The following PSPH variants were observed in gnomAD, a reference collection of about 807,000 sequenced individuals.
PSPH encodes the protein phosphoserine phosphatase, also known as L-3-phosphoserine phosphatase.
In PSPH, 16 loss-of-function variants were observed where a neutral mutation model predicts 23.4. The ratio of observed to expected loss-of-function variants is 0.68; its 90% CI spans 0.46 to 1.04. PSPH has a LOEUF of 1.04. Among genes scored for constraint, PSPH ranks in the 50% least tolerant of loss-of-function variants. PSPH has a pLI of 0.00. For missense variants in PSPH, 223 were observed against 273.7 expected (o/e 0.81, Z 1.31); for synonymous variants, 68 against 99.7 (o/e 0.68, Z 1.89).
At position 56,043,763 on chromosome 7, in the gene PSPH, A is replaced by G. The variant is rs559729463; in HGVS notation, c.-292+7375T>C. On this transcript the variant is annotated intron_variant, in intron 1 of 7. Coordinates refer to ENST00000275605, the MANE Select transcript of PSPH (RefSeq NM_004577.4). ...AGGATAGCTTGAGCCCCAGGGTGGA[A>G]GCTGCAGTGAGCTGTGATCATGCCA... 1.7e-4 allele frequency among the ~76,000 whole-genome samples: 26 copies of G among 151,316 alleles called. No individual in the cohort carries two copies. The East Asian group carries it at 5.1e-3, about 30-fold the overall frequency.
intron 1 of PSPH, among the ~76,000 whole-genome samples, chr7:56,044,131 G>A (rs1228581058): frequency 7.9e-5 from 12 of 152,030 alleles, no homozygotes; most frequent in East Asian, 3.9e-4. Context: ...TAGTAGAGAC[G>A]GGGTTTCTCC....
At position 56,016,624 on chromosome 7, in the gene PSPH, G is replaced by A. The variant is rs1562785275; in HGVS notation, c.421+610C>T. ...TCGCTCTGTCACCCAGGCTGGAAGT[G>A]CAGTGGCGAGATCTCAGCTCACTGC... On this transcript the variant is annotated intron_variant, in intron 6 of 7. Coordinates refer to ENST00000275605, the MANE Select transcript of PSPH (RefSeq NM_004577.4). 6.6e-5 allele frequency among the ~76,000 whole-genome samples: 10 copies of A among 151,864 alleles called. No homozygotes were observed. The South Asian group carries it at 1.7e-3, about 25-fold the overall frequency.
At chr7:56,046,231 G>A (rs563245268) in intron 1 of PSPH, among the ~76,000 whole-genome samples, 1 of 152,176 alleles carries the variant, frequency 6.6e-6, no homozygotes, top group African/African-American at 2.4e-5. Flanking sequence ...CTGCTTCCTG[G>A]GTTCAAGCTA....
intron 7 of PSPH, among the ~76,000 whole-genome samples, 194 bp from the exon 8 acceptor site, chr7:56,012,063 G>A (rs1180623767): frequency 2.0e-5 from 3 of 149,692 alleles, no homozygotes; most frequent in Non-Finnish European, 3.0e-5. Context: ...GCCCCACCTC[G>A]CCTGGCTACT....
intron 6 of PSPH, among the ~76,000 whole-genome samples, chr7:56,016,243 A>G (rs1007417627): frequency 1.3e-5 from 2 of 151,466 alleles, no homozygotes; most frequent in African/African-American, 4.8e-5. Context: ...TACTAAAAAA[A>G]AAATACAAAA....
intron 5 of PSPH, 147 bp downstream of exon 5, chr7:56,019,453 T>A (rs1488945716): frequency 9.8e-6 from 11 of 1,124,166 alleles, no homozygotes; most frequent in African/African-American, 7.9e-5. Context: ...AAATACAATT[T>A]AAAAAAATAA....
chr7:56,023,724 A>T (rs1789776725), intron 3 of PSPH, among the ~76,000 whole-genome samples: 1 of 152,068 alleles, frequency 6.6e-6, no homozygotes, highest in Admixed American at 6.6e-5. Flanking sequence ...ACAGACTCAA[A>T]GCAGTTGAAC....
At chr7:56,011,895 A>C (rs769137475) in intron 7 of PSPH, 26 bp from the exon 8 acceptor site, 1 of 1,541,598 alleles carries the variant, frequency 6.5e-7, no homozygotes, top group Middle Eastern at 1.7e-4. Flanking sequence ...AGAGAGAGAA[A>C]TGATTTTTAT....
At chr7:56,021,359 T>A (rs1789394031) in intron 3 of PSPH, 128 bp from the exon 4 acceptor site, 1 of 654,846 alleles carries the variant, frequency 1.5e-6, no homozygotes, top group Non-Finnish European at 2.2e-6. Context: ...TTCTCACAGA[T>A]TCATTTTTTT....
intron 3 of PSPH, among the ~76,000 whole-genome samples, chr7:56,029,319 G>A (rs184917324): frequency 2.0e-5 from 3 of 152,174 alleles, no homozygotes; most frequent in African/African-American, 7.2e-5. Context: ...AACAGGGAGG[G>A]AGAGGGCAGG....
In PSPH at chr7:56,017,292, T is replaced by G; in HGVS notation, c.363A>C (p.Ser121=). 6.2e-7 allele frequency: 1 copy of G among 1,613,936 alleles called. No homozygotes were observed. The highest frequency in any genetic ancestry group is 2.2e-5 in the East Asian group (1 of 44,866). The part of the protein sequence containing the change: ...GFRSIVEHVA[S]KLNIPATNVF... ...CATTGGTTGCTGGGATATTGAGCTT[T>G]GAAGCAACATGCTCTACAATACTCC... The change falls in exon 6 of 8, where the codon TCA becomes TCC. Residue 121 remains serine, a synonymous_variant. Transcript: ENST00000275605.
At chr7:56,016,510 A>C (rs1316146861) in intron 6 of PSPH, among the ~76,000 whole-genome samples, 8 of 151,742 alleles carry the variant, frequency 5.3e-5, no homozygotes, top group South Asian at 4.2e-4. Flanking sequence ...AGGGGACAGG[A>C]GGCTTCCCCA....
intron 6 of PSPH, 131 bp downstream of exon 6, chr7:56,017,103 C>A: frequency 6.7e-7 from 1 of 1,484,660 alleles, no homozygotes; most frequent in South Asian, 1.2e-5. Context: ...CAAAAGACAT[C>A]AATTAAGAGA....
chr7:56,031,236 CA>C (rs1790960608), intron 3 of PSPH, among the ~76,000 whole-genome samples: 1 of 148,936 alleles, frequency 6.7e-6, no homozygotes, highest in Admixed American at 6.7e-5. Context: ...AAAAAACAAA[CA>C]AAACAAACAA....
chr7:56,019,682 G>A lies in PSPH; in HGVS notation c.193C>T (p.Arg65Cys), dbSNP rs1393023702. Reference protein sequence around the residue: ...AVPFKAALTERLALIQPSREQ... With the variant: ...AVPFKAALTECLALIQPSREQ... ...CTGGAGGGCTGGATGAGGGCTAAGC[G>A]CTCTGTGAGAGCAGCTTTGAAAGGC... The change falls in exon 5 of 8, where the codon CGC becomes TGC. Residue 65 changes from arginine to cysteine, a missense_variant. Physicochemically the swap from Arg to Cys is radical, Grantham distance 180 (BLOSUM62 -3). Coordinates refer to ENST00000275605, the MANE Select transcript of PSPH (RefSeq NM_004577.4). The A allele has an allele frequency of 3.7e-6, 6 of 1,613,756 alleles. No homozygotes were observed. The highest frequency in any genetic ancestry group is 2.2e-5 in the East Asian group (1 of 44,888).
At chr7:56,040,261 G>A (rs2117078549) in intron 1 of PSPH, among the ~76,000 whole-genome samples, 2 of 152,172 alleles carry the variant, frequency 1.3e-5, no homozygotes, top group South Asian at 2.1e-4. Flanking sequence ...GTTGAAGAAC[G>A]TATATATCGT....
intron 1 of PSPH, among the ~76,000 whole-genome samples, chr7:56,050,611 G>C (rs1181106647): frequency 6.6e-6 from 1 of 152,104 alleles, no homozygotes; most frequent in Admixed American, 6.5e-5. Flanking sequence ...TGCTGTTACC[G>C]AGGACTTCCC....
intron 1 of PSPH, among the ~76,000 whole-genome samples, chr7:56,047,327 C>CAG (rs1389651216): frequency 6.6e-6 from 1 of 150,850 alleles, no homozygotes; most frequent in Non-Finnish European, 1.5e-5. Context: ...GTTCAGGCTG[C>CAG]AGTAAGCTGT....
intron 1 of PSPH, among the ~76,000 whole-genome samples, chr7:56,050,467 T>C (rs1022396715): frequency 6.6e-6 from 1 of 152,144 alleles, no homozygotes; most frequent in African/African-American, 2.4e-5. Flanking sequence ...AGTCTCGCTA[T>C]GTTACCCAGA....
Sources: gnomAD v4.1 joint callset for allele counts (sites outside exome capture counted in the v4.1 genomes callset) on GRCh38, gnomAD v4.1.1 for gene constraint, MANE v1.5 for transcripts, NCBI Gene and HGNC (gene_info 2026-07-23, HGNC 2026-07-21) for gene names.